The following SMCO2 variants were observed in gnomAD, a reference collection of about 807,000 sequenced individuals.
SMCO2 encodes the protein single-pass membrane protein with coiled-coil domains 2, also known as single-pass membrane and coiled-coil domain-containing protein 2.
A neutral mutation model predicts 29.5 loss-of-function variants in SMCO2; 25 were observed. The observed-to-expected ratio is 0.85, with a 90% CI of 0.62 to 1.18. The LOEUF is 1.18. Ranked by LOEUF, SMCO2 falls within the 50% of genes most tolerant of loss-of-function variation. The pLI, the probability that SMCO2 is intolerant of heterozygous loss-of-function variation, is 0.00. For synonymous variants in SMCO2, 117 were observed against 123.3 expected, an observed-to-expected ratio of 0.95 and a Z score of 0.34; for missense variants, 348 against 344.5, an observed-to-expected ratio of 1.01 and a Z score of -0.08.
chr12:27,472,158 G>T (rs73088304), intron 2 of SMCO2, among the ~76,000 whole-genome samples: 1 of 152,074 alleles, frequency 6.6e-6, no homozygotes, highest in African/African-American at 2.4e-5. Flanking sequence ...CTCCAAAATA[G>T]GTTATTAAAT....
chr12:27,480,142 A>G (rs1949629386), intron 4 of SMCO2, among the ~76,000 whole-genome samples: 1 of 152,200 alleles, frequency 6.6e-6, no homozygotes, highest in Admixed American at 6.5e-5. Context: ...AAAGGAGAGG[A>G]AGCAAGTGTC....
the SMCO2 span, among the ~76,000 whole-genome samples, chr12:27,452,599 C>T: frequency 2.0e-4 from 31 of 152,194 alleles, no homozygotes; most frequent in Admixed American, 1.3e-4. Flanking sequence ...AAGCAATCTT[C>T]CCACCTCAGT....
At chr12:27,451,811 G>A in the SMCO2 span, among the ~76,000 whole-genome samples, 1 of 152,212 alleles carries the variant, frequency 6.6e-6, no homozygotes, top group African/African-American at 2.4e-5. Context: ...GAGGAATAAT[G>A]AGAACCGTGC....
the SMCO2 span, among the ~76,000 whole-genome samples, chr12:27,454,615 G>A: frequency 1.3e-5 from 2 of 152,116 alleles, no homozygotes; most frequent in Non-Finnish European, 2.9e-5. Context: ...TGGGATACAT[G>A]TGCAGAACAT....
At chr12:27,459,955 T>C in the SMCO2 span, among the ~76,000 whole-genome samples, 1 of 152,366 alleles carries the variant, frequency 6.6e-6, no homozygotes, top group East Asian at 1.9e-4. Context: ...AGGATTCTGT[T>C]ATGACAGCAA....
At chr12:27,474,146 A>G (rs942203295) in intron 3 of SMCO2, among the ~76,000 whole-genome samples, 14 of 152,246 alleles carry the variant, frequency 9.2e-5, no homozygotes. Context: ...GTATATAAAT[A>G]GATGAAACTT....
chr12:27,485,540 C>T (rs989305634), intron 4 of SMCO2, among the ~76,000 whole-genome samples: 5 of 150,354 alleles, frequency 3.3e-5, no homozygotes, highest in African/African-American at 4.9e-5. Context: ...ACCTCCACTT[C>T]CTGGGTTCAA....
the SMCO2 span, among the ~76,000 whole-genome samples, chr12:27,446,184 G>A: frequency 8.5e-5 from 13 of 152,210 alleles, no homozygotes; most frequent in South Asian, 2.1e-4. Flanking sequence ...TTACAGGCAT[G>A]AGCCACTGCA....
intron 2 of SMCO2, among the ~76,000 whole-genome samples, chr12:27,471,949 T>C (rs1432841559): frequency 6.6e-6 from 1 of 152,184 alleles, no homozygotes; most frequent in Non-Finnish European, 1.5e-5. Context: ...ATAGATATGC[T>C]GTGCACATAC....
At position 27,489,676 on chromosome 12, in the gene SMCO2, G is replaced by A. The variant is rs1219529367; in HGVS notation, c.450+1129G>A. The stretch of plus-strand genomic sequence containing the variant: ...ATCAGTGCAAATCTATTGCCTGGGG[G>A]AAAAATTACTTTTAACTGATATAGT... On this transcript the variant is annotated intron_variant, in intron 5 of 7. Coordinates refer to ENST00000298876, the Ensembl canonical transcript of SMCO2. 3.3e-5 allele frequency among the ~76,000 whole-genome samples: 5 copies of A among 152,090 alleles called. No homozygotes were observed. In the East Asian group the frequency reaches 9.6e-4, roughly 29 times the overall value.
At chr12:27,482,174 C>T (rs1949649524) in intron 4 of SMCO2, among the ~76,000 whole-genome samples, 2 of 152,082 alleles carry the variant, frequency 1.3e-5, no homozygotes, top group African/African-American at 4.8e-5. Context: ...GCACTGTTTC[C>T]ACTGCATCAA....
At chr12:27,495,924 G>T in intron 7 of SMCO2, 69 bp downstream of exon 8, 2 of 1,286,798 alleles carry the variant, frequency 1.6e-6, no homozygotes, top group South Asian at 2.9e-5. Flanking sequence ...TGCTGGGATT[G>T]ATTTTTTTCA....
the SMCO2 span, among the ~76,000 whole-genome samples, chr12:27,434,017 G>C: frequency 2.6e-5 from 4 of 152,194 alleles, no homozygotes; most frequent in Non-Finnish European, 5.9e-5. Flanking sequence ...ACATCTTAAA[G>C]CTTAATGTTT....
the SMCO2 span, among the ~76,000 whole-genome samples, chr12:27,458,495 TACAA>T: frequency 1.3e-5 from 2 of 152,194 alleles, no homozygotes; most frequent in Admixed American, 1.3e-4. Flanking sequence ...AAATAATGTC[TACAA>T]ACAATTAAAT....
intron 7 of SMCO2, among the ~76,000 whole-genome samples, chr12:27,499,220 T>C (rs1453871667): frequency 1.3e-5 from 2 of 150,596 alleles, no homozygotes; most frequent in African/African-American, 2.5e-5. Flanking sequence ...AAAAACAAAA[T>C]GCAGTGTAGC....
chr12:27,466,588 C>T (rs532251317), upstream of SMCO2, among the ~76,000 whole-genome samples: 1 of 152,178 alleles, frequency 6.6e-6, no homozygotes, highest in Admixed American at 6.5e-5. Context: ...CATCCCAGAA[C>T]ACCATATCAG....
intron 5 of SMCO2, among the ~76,000 whole-genome samples, chr12:27,490,891 G>A (rs1404454995): frequency 6.6e-6 from 1 of 152,128 alleles, no homozygotes; most frequent in Non-Finnish European, 1.5e-5. Flanking sequence ...GCCATGATCA[G>A]TGAGCCACTG....
At position 27,474,871 on chromosome 12, in the gene SMCO2, C is replaced by G; in HGVS notation, c.320C>G (p.Ala107Gly). The change falls in exon 4 of 8, where the codon GCG (alanine) becomes GGG (glycine). Residue 107 changes from alanine (A) to glycine (G), a missense_variant. Physicochemically the swap from Ala to Gly is moderately conservative, Grantham distance 60. Coordinates refer to ENST00000298876, the Ensembl canonical transcript of SMCO2. ...ACAGATGTTGATGAGGACCCTCAAG[C>G]GTCTACATCTCTGCAGTTTTCAAAG... 3 of 1,551,458 alleles carry G rather than the reference C, an allele frequency of 1.9e-6. No individual in the cohort carries two copies. The South Asian group carries it at 3.6e-5, about 18-fold the overall frequency.
chr12:27,488,599 T>C, intron 5 of SMCO2, 52 bp downstream of exon 6: 2 of 1,333,640 alleles, frequency 1.5e-6, no homozygotes, highest in Non-Finnish European at 2.0e-6. Context: ...CTGTCACTTC[T>C]TTCCCTACTA....
Sources: allele counts gnomAD v4.1 joint callset (sites outside exome capture counted in the v4.1 genomes callset), GRCh38; gene constraint gnomAD v4.1.1; transcripts MANE v1.5; gene names NCBI Gene and HGNC (gene_info 2026-07-23, HGNC 2026-07-21).